MINAR1: variants seen among roughly 807,000 people sequenced by gnomAD.
The protein encoded by MINAR1 is major intrinsically disordered Notch2-binding receptor 1.
In MINAR1, 40 loss-of-function variants were observed where a neutral mutation model predicts 65.1. That is an observed-to-expected ratio of 0.61 (90% confidence interval 0.48 to 0.80). The LOEUF is 0.80. Ranked by LOEUF, MINAR1 falls within the 30% of genes least tolerant of loss-of-function variation. The probability of loss-of-function intolerance (pLI) is 0.00; values close to 1 mark genes in which losing one functional copy is unlikely to be tolerated. For missense variants in MINAR1, 1,128 were observed against 1,148.0 expected, an observed-to-expected ratio of 0.98 and a Z score of 0.25; for synonymous variants, 482 against 449.1, an observed-to-expected ratio of 1.07 and a Z score of -0.93.
chr15:79,452,937 G>A (rs1485397006), intron 1 of MINAR1, among the ~76,000 whole-genome samples: 3 of 151,250 alleles, frequency 2.0e-5, no homozygotes, highest in East Asian at 3.9e-4. Context: ...ATGTGTCTGC[G>A]TGTGAGTGTA....
intron 1 of MINAR1, among the ~76,000 whole-genome samples, chr15:79,439,744 G>T (rs979732147): frequency 2.6e-5 from 4 of 151,960 alleles, no homozygotes; most frequent in African/African-American, 9.7e-5. Flanking sequence ...GAGGAGCACA[G>T]TGTCTGGCTC....
chr15:79,450,845 G>A (rs1390793266), intron 1 of MINAR1, among the ~76,000 whole-genome samples: 1 of 152,192 alleles, frequency 6.6e-6, no homozygotes, highest in African/African-American at 2.4e-5. Context: ...AAGCCACTGA[G>A]ACTGCTAGAA....
intron 1 of MINAR1, among the ~76,000 whole-genome samples, chr15:79,442,781 A>T (rs1040354483): frequency 5.3e-5 from 8 of 150,590 alleles, no homozygotes; most frequent in African/African-American, 2.0e-4. Context: ...TACCTTATTT[A>T]AAATTAGTAC....
At chr15:79,464,105 A>G (rs892198640) in intron 3 of MINAR1, among the ~76,000 whole-genome samples, 1 of 152,120 alleles carries the variant, frequency 6.6e-6, no homozygotes. Flanking sequence ...GCCTTGCTCT[A>G]AAAGAGGGCT....
chr15:79,415,015 G>A, the MINAR1 span: 1 of 152,238 alleles, frequency 6.6e-6, no homozygotes, highest in South Asian at 2.1e-4. Flanking sequence ...AGCGACCATA[G>A]GTTGAATCTT....
intron 2 of MINAR1, among the ~76,000 whole-genome samples, chr15:79,459,334 A>G (rs1250838852): frequency 6.6e-6 from 1 of 152,170 alleles, no homozygotes; most frequent in Non-Finnish European, 1.5e-5. Context: ...TGTTTATAGC[A>G]GACTTCACTT....
At chr15:79,455,815 TCTC>T (rs1895390676) in intron 1 of MINAR1, among the ~76,000 whole-genome samples, 1 of 152,218 alleles carries the variant, frequency 6.6e-6, no homozygotes, top group African/African-American at 2.4e-5. Context: ...GTTTATGTAT[TCTC>T]CTATTTGGAT....
In MINAR1 at chr15:79,457,384, A is replaced by G. The variant is rs181865672; in HGVS notation, c.1237A>G (p.Thr413Ala). 2 of 1,614,124 alleles carry G rather than the reference A, an allele frequency of 1.2e-6. No individual in the cohort carries two copies. The highest frequency in any genetic ancestry group is 1.3e-5 in the African/African-American group (1 of 75,034). ...PNFPAPERRP[T>A]YLVPKDQQPI... is the part of the protein sequence containing the mutation. ...TTTCCCAGCCCCAGAAAGGCGCCCAACTTACCTTGTGCCAAAGGATCAACA... is the reference window on the plus strand; with the variant it reads ...TTTCCCAGCCCCAGAAAGGCGCCCAGCTTACCTTGTGCCAAAGGATCAACA... The change falls in exon 2 of 4, where the codon ACT becomes GCT. Residue 413 changes from threonine to alanine, a missense_variant. Transcript: ENST00000305428.
chr15:79,466,381 A>G (rs576461280), intron 3 of MINAR1, among the ~76,000 whole-genome samples: 12 of 152,314 alleles, frequency 7.9e-5, no homozygotes, highest in African/African-American at 2.9e-4. Context: ...ATAATCTCCC[A>G]TTGTACAATC....
chr15:79,467,187 GGTTT>G (rs138564623), intron 3 of MINAR1, among the ~76,000 whole-genome samples: 35 of 152,230 alleles, frequency 2.3e-4, no homozygotes, highest in African/African-American at 4.1e-4. Flanking sequence ...AACTTTGAAA[GGTTT>G]GTTTTTTGAG....
rs3750005 is a variant in MINAR1, at chr15:79,471,714, G to T, written c.*3330G>T. The T allele has an allele frequency of 0.61, 90,529 of 149,128 alleles. 28,243 individuals carry two copies. Among genetic ancestry groups the T allele is most frequent in the African/African-American group, 0.79 (32,186 of 40,690 alleles). The allele number at this position is 149,128 out of a possible 1,614,324, so 9.2% of individuals were successfully genotyped here. On this transcript the variant is annotated 3_prime_UTR_variant, in exon 4 of 4. Coordinates refer to ENST00000305428, the MANE Select transcript of MINAR1 (RefSeq NM_015206.3). ...CAGTGGCATCACATTTGTTGTTGTT[G>T]TTTTTTTTTTTGAAATAGAAAAAAA...
intron 2 of MINAR1, among the ~76,000 whole-genome samples, chr15:79,458,837 G>A (rs1895538685): frequency 6.6e-6 from 1 of 152,158 alleles, no homozygotes; most frequent in Non-Finnish European, 1.5e-5. Flanking sequence ...TACTGAAAAG[G>A]TGCTGGCTGA....
rs765175596 is a variant in MINAR1 at position 79,468,252 on chromosome 15, C to T, written c.2619C>T (p.Tyr873=). ...TGGAAGACATTTATACTCCAGGATA[C>T]GATTCATTACTAAAACGTAAAGAAG... ...YWMEDIYTPG[Y]DSLLKRKEAE... Residue 873 remains tyrosine (Y), a synonymous_variant, in exon 4 of 4, where the codon TAC becomes TAT. Coordinates refer to ENST00000305428, the MANE Select transcript of MINAR1 (RefSeq NM_015206.3). 25 of 1,613,862 alleles carry T rather than the reference C, an allele frequency of 1.5e-5. No individual in the cohort carries two copies. The highest frequency in any genetic ancestry group is 6.7e-5 in the Admixed American group (4 of 60,022).
At chr15:79,411,523 G>C in the MINAR1 span, 1 of 701,460 alleles carries the variant, frequency 1.4e-6, no homozygotes, top group Admixed American at 2.0e-5. Context: ...CAGCGGGGAG[G>C]CACTGAGAGT....
In MINAR1 at chr15:79,472,012, A is replaced by T. The variant is rs1004685009; in HGVS notation, c.*3628A>T. On this transcript the variant is annotated 3_prime_UTR_variant, in exon 4 of 4. Transcript: ENST00000305428. ...CAACAAACTTCCTTATTTATGCCTT[A>T]TGAATAAAAGAGTGTGGAATGTAAG... 3 of 152,234 alleles carry T rather than the reference A, an allele frequency of 2.0e-5. No homozygotes were observed. In the East Asian group the frequency reaches 6.2e-4, roughly 31 times the overall value. The allele number at this position is 152,234 out of a possible 1,614,324, so 9.4% of individuals were successfully genotyped here. A position where few individuals can be genotyped will look rare whatever the true frequency, so the allele number is the denominator to read the frequency against.
intron 1 of MINAR1, among the ~76,000 whole-genome samples, chr15:79,452,618 CTGGA>C (rs1377916031): frequency 1.0e-5 from 1 of 100,414 alleles, no homozygotes; most frequent in African/African-American, 4.0e-5. Flanking sequence ...GTCTGGGTGT[CTGGA>C]TGAGTCTGTG....
chr15:79,463,217 C>T lies in MINAR1; in HGVS notation c.2449C>T (p.Leu817=). The change falls in exon 3 of 4, where the codon CTG becomes TTG. Residue 817 remains leucine, a synonymous_variant. Transcript: ENST00000305428. ...CAACCCCCTGTACACAGACATGCGG[C>T]TGACCGAGTTGGCCGAGGTGAAGCG... ...KSNPLYTDMR[L]TELAEVKRGQ... The T allele has an allele frequency of 6.2e-7, 1 of 1,614,252 alleles. No homozygotes were observed. Among genetic ancestry groups the T allele is most frequent in the Non-Finnish European group, 8.5e-7 (1 of 1,180,054 alleles).
upstream of MINAR1, among the ~76,000 whole-genome samples, chr15:79,430,875 CTTG>C (rs1408764197): frequency 6.6e-6 from 1 of 151,940 alleles, no homozygotes; most frequent in Non-Finnish European, 1.5e-5. Flanking sequence ...CTTTTGTTTG[CTTG>C]TTTTGTTTTT....
chr15:79,451,459 G>A (rs930697419), intron 1 of MINAR1, among the ~76,000 whole-genome samples: 1 of 152,104 alleles, frequency 6.6e-6, no homozygotes, highest in Admixed American at 6.5e-5. Flanking sequence ...ACTGCGGGAG[G>A]ATGTGGGCAG....
Sources: gnomAD v4.1 joint callset for allele counts (sites outside exome capture counted in the v4.1 genomes callset) on GRCh38, gnomAD v4.1.1 for gene constraint, MANE v1.5 for transcripts, NCBI Gene and HGNC (gene_info 2026-07-23, HGNC 2026-07-21) for gene names.